ZNF541: variants seen among roughly 807,000 people sequenced by gnomAD.
ZNF541 encodes zinc finger protein 541.
Under a neutral mutation model 123.5 loss-of-function variants are expected in ZNF541, and 23 were observed. The ratio of observed to expected loss-of-function variants is 0.19; its 90% CI spans 0.13 to 0.26. ZNF541 has a LOEUF of 0.26. Among genes scored for constraint, ZNF541 ranks in the 10% least tolerant of loss-of-function variants. The pLI, the probability that ZNF541 is intolerant of heterozygous loss-of-function variation, is 1.00. For missense variants in ZNF541, 1,612 were observed against 1,789.9 expected, an observed-to-expected ratio of 0.90 and a Z score of 1.79; for synonymous variants, 751 against 754.5, an observed-to-expected ratio of 1.00 and a Z score of 0.08.
chr19:47,547,441 C>T (rs1970402780), intron 4 of ZNF541, among the ~76,000 whole-genome samples: 3 of 152,124 alleles, frequency 2.0e-5, no homozygotes, highest in Admixed American at 1.3e-4. Context: ...CCCTCTGGGC[C>T]CCCAACAGCC....
chr19:47,555,767 G>A lies in ZNF541; in HGVS notation c.90C>T (p.Ser30=), dbSNP rs769782403. ...GACCCAAATCCCGGTTGAGGGTGTC[G>A]CTGCAGTTGAGCCCTTGGCTCTCTG... ...SFSESQGLNC[S]DTLNRDLGPN... The change falls in exon 3 of 17, where the codon AGC becomes AGT. Residue 30 remains serine, a synonymous_variant. Transcript: ENST00000391901. 4.1e-5 allele frequency: 64 copies of A among 1,551,584 alleles called. No individual in the cohort carries two copies. Among genetic ancestry groups the A allele is most frequent in the Admixed American group, 7.8e-5 (4 of 50,974 alleles).
intron 2 of ZNF541, among the ~76,000 whole-genome samples, chr19:47,567,552 G>A (rs890145606): frequency 6.6e-6 from 1 of 152,202 alleles, no homozygotes; most frequent in Non-Finnish European, 1.5e-5. Context: ...GCGCCACCGC[G>A]CCTGGCCAGT....
At chr19:47,536,412 AT>A (rs1969823117) in intron 9 of ZNF541, among the ~76,000 whole-genome samples, 1 of 152,066 alleles carries the variant, frequency 6.6e-6, no homozygotes, top group African/African-American at 2.4e-5. Flanking sequence ...TAATTTTTAT[AT>A]TTTTAGTAGA....
At position 47,521,156 on chromosome 19, in the gene ZNF541, C is replaced by T. The variant is rs1207041131; in HGVS notation, c.*68G>A. 2.2e-5 allele frequency: 33 copies of T among 1,502,750 alleles called. No individual in the cohort carries two copies. Among genetic ancestry groups the T allele is most frequent in the African/African-American group, 1.5e-4 (11 of 71,954 alleles). 93.1% of individuals were successfully genotyped at this position (1,502,750 alleles called of 1,614,324 possible). ...GGGGGAGGCAGAGGGGTGCCCCAAA[C>T]GCCCTGGAGAGGCCGAAGGGAGGAG... On this transcript the variant is annotated 3_prime_UTR_variant, in exon 17 of 17. Coordinates refer to ENST00000391901, the MANE Select transcript of ZNF541 (RefSeq NM_001277075.3). This position sits in a 1 kb window ranked among gnomAD's most constrained non-coding sequence, Gnocchi z 4.2.
At chr19:47,558,979 C>T (rs1035199252) in intron 2 of ZNF541, among the ~76,000 whole-genome samples, 1 of 151,684 alleles carries the variant, frequency 6.6e-6, no homozygotes, top group South Asian at 2.1e-4. Context: ...CTTCTGACCT[C>T]GTGATCCACC....
chr19:47,537,070 G>T (rs1165052962), intron 9 of ZNF541, among the ~76,000 whole-genome samples: 2 of 152,164 alleles, frequency 1.3e-5, no homozygotes, highest in Admixed American at 6.5e-5. Context: ...TGCCCAGGCT[G>T]GGGGAAGAAG....
At chr19:47,533,010 C>T in intron 9 of ZNF541, 38 bp from the exon 10 acceptor site, 5 of 1,534,466 alleles carry the variant, frequency 3.3e-6, no homozygotes, top group African/African-American at 2.8e-5. Context: ...AGAAGACAGA[C>T]AGCAGGTAAC....
rs769547016 is a variant in ZNF541, at chr19:47,521,240, C to T, written c.4025G>A (p.Gly1342Asp). 13 of 1,551,510 alleles carry T rather than the reference C, an allele frequency of 8.4e-6. No homozygotes were observed. In the African/African-American group the frequency reaches 1.6e-4, roughly 20 times the overall value. The change falls in exon 17 of 17, where the codon GGC becomes GAC. Residue 1342 changes from glycine (G) to aspartate (D), a missense_variant. Physicochemically the swap from Gly to Asp is moderately conservative, Grantham distance 94 (BLOSUM62 -1). Transcript: ENST00000391901. The surrounding 1 kb of genome is among the most constrained non-coding windows in gnomAD (Gnocchi z 4.2). The stretch of plus-strand genomic sequence containing the variant: ...CCACGGGAGTCACCACTGCAGGGGG[C>T]CGATGTCAGCTCCCAGCTCCTCTTC... Reference protein sequence around the residue: ...LKEEELGADIGPLQW With the variant: ...LKEEELGADIDPLQW
In ZNF541 at chr19:47,555,937, C is replaced by A. The variant is rs1481205895; in HGVS notation, c.-81G>T. On this transcript the variant is annotated 5_prime_UTR_variant, in exon 3 of 17. The change creates a new upstream start codon in the 5' untranslated region. Transcript: ENST00000391901. ...GTAAGGAGACAGGGAGGAGAGAGCCCTTGATGGCAACTAATTCCTGAAAAT... is the reference window on the plus strand; with the variant it reads ...GTAAGGAGACAGGGAGGAGAGAGCCATTGATGGCAACTAATTCCTGAAAAT... The A allele has an allele frequency of 7.5e-7, 1 of 1,340,616 alleles. No homozygotes were observed. The highest frequency in any genetic ancestry group is 2.8e-5 in the Admixed American group (1 of 35,972). 83.0% of individuals were successfully genotyped at this position (1,340,616 alleles called of 1,614,324 possible). A position where few individuals can be genotyped will look rare whatever the true frequency, so the allele number is the denominator to read the frequency against.
In ZNF541 at chr19:47,545,178, G is replaced by T; in HGVS notation, c.1351C>A (p.Pro451Thr). The change falls in exon 5 of 17, where the codon CCC becomes ACC. Residue 451 changes from proline (P) to threonine (T), a missense_variant. Transcript: ENST00000391901. This position sits in a 1 kb window ranked among gnomAD's most constrained non-coding sequence, Gnocchi z 7.5. ...TCCTCCGAGGGGCTTCCGCTGCTGG[G>T]TCCCGGGCCAGACTCGGAGCCCTCC... ...SREGSESGPG[P>T]SSGSPSEESP... 1 of 1,508,680 alleles carries T rather than the reference G, an allele frequency of 6.6e-7. No individual in the cohort carries two copies. The allele number at this position is 1,508,680 out of a possible 1,614,324, so 93.5% of individuals were successfully genotyped here. A position where few individuals can be genotyped will look rare whatever the true frequency, so the allele number is the denominator to read the frequency against.
intron 3 of ZNF541, among the ~76,000 whole-genome samples, 152 bp from the exon 4 acceptor site, chr19:47,549,637 C>G (rs1970513624): frequency 6.6e-6 from 1 of 152,258 alleles, no homozygotes; most frequent in Non-Finnish European, 1.5e-5. Flanking sequence ...GGTTCAGGAG[C>G]AGGTGAGGGG....
At chr19:47,573,197 G>A (rs1971537516), upstream of ZNF541, among the ~76,000 whole-genome samples, 2 of 150,310 alleles carry the variant, frequency 1.3e-5, no homozygotes, top group Non-Finnish European at 1.5e-5. Context: ...CCCACCCCCG[G>A]ATCTCCTCGC....
intron 3 of ZNF541, among the ~76,000 whole-genome samples, chr19:47,555,141 G>A (rs550948196): frequency 9.9e-5 from 15 of 151,350 alleles, no homozygotes; most frequent in East Asian, 1.9e-4. Context: ...AGGCTGAGGC[G>A]GGCGGATCAT....
intron 14 of ZNF541, among the ~76,000 whole-genome samples, chr19:47,525,199 C>T (rs907158430): frequency 2.0e-5 from 3 of 151,736 alleles, no homozygotes; most frequent in South Asian, 4.2e-4. Context: ...GTACGAGAAT[C>T]GCTTGAACCC....
At chr19:47,524,610 A>G (rs1969198576) in intron 14 of ZNF541, among the ~76,000 whole-genome samples, 1 of 151,288 alleles carries the variant, frequency 6.6e-6, no homozygotes, top group Admixed American at 6.6e-5. Context: ...CAGGAGGCTG[A>G]GGCAGCAGAA....
intron 2 of ZNF541, among the ~76,000 whole-genome samples, chr19:47,564,075 A>G (rs1335525888): frequency 6.6e-6 from 1 of 152,210 alleles, no homozygotes; most frequent in Non-Finnish European, 1.5e-5. Context: ...TCTTAAACCC[A>G]GATACTCTGA....
At chr19:47,526,003 A>G (rs1969277527) in intron 14 of ZNF541, among the ~76,000 whole-genome samples, 1 of 152,086 alleles carries the variant, frequency 6.6e-6, no homozygotes. Context: ...TCTTAGATAC[A>G]ACACCAAAAG....
In ZNF541 at chr19:47,545,448, C is replaced by T. The variant is rs1000810372; in HGVS notation, c.1081G>A (p.Gly361Ser). The T allele has an allele frequency of 2.0e-6, 3 of 1,474,494 alleles. No homozygotes were observed. In the Admixed American group the frequency reaches 7.8e-5, roughly 38 times the overall value. 91.3% of individuals were successfully genotyped at this position (1,474,494 alleles called of 1,614,324 possible). Residue 361 changes from glycine (G) to serine (S), a missense_variant, in exon 5 of 17, where the codon GGC becomes AGC. Physicochemically the swap from Gly to Ser is moderately conservative, Grantham distance 56. This residue lies in a region of ZNF541 where 1,080 missense variants were observed against 1,013.8 expected (regional missense o/e 1.07). Coordinates refer to ENST00000391901, the MANE Select transcript of ZNF541 (RefSeq NM_001277075.3). The surrounding 1 kb of genome is among the most constrained non-coding windows in gnomAD (Gnocchi z 7.5). ...TAPNSRAAEN[G>S]APDPPEPEPD... is the part of the protein sequence containing the mutation. ...TCCGGCTCTGGCGGGTCGGGGGCGC[C>T]GTTCTCGGCGGCCCTGGAATTAGGG...
intron 8 of ZNF541, among the ~76,000 whole-genome samples, chr19:47,538,744 C>T (rs928694076): frequency 6.6e-6 from 1 of 152,224 alleles, no homozygotes; most frequent in East Asian, 1.9e-4. Flanking sequence ...TACAGTGTGA[C>T]GGTGAAGAAA....
Sources: gnomAD v4.1 joint callset for allele counts (sites outside exome capture counted in the v4.1 genomes callset) on GRCh38, gnomAD v4.1.1 for gene constraint, gnomAD v4.1.1 regional missense constraint, Gnocchi (gnomAD v3.1) non-coding constraint, MANE v1.5 for transcripts, NCBI Gene and HGNC (gene_info 2026-07-23, HGNC 2026-07-21) for gene names.